PATJ: variants seen among roughly 807,000 people sequenced by gnomAD.
PATJ encodes inaD-like protein.
A neutral mutation model predicts 224.9 loss-of-function variants in PATJ; 190 were observed. That is an observed-to-expected ratio of 0.84 (90% CI 0.75 to 0.95). PATJ has a LOEUF of 0.95. Among genes scored for constraint, PATJ ranks in the 40% least tolerant of loss-of-function variants. The probability of loss-of-function intolerance (pLI) is 0.00; values close to 1 mark genes in which losing one functional copy is unlikely to be tolerated. For synonymous variants in PATJ, 769 were observed against 820.3 expected (o/e 0.94, Z 1.07); for missense variants, 2,121 against 2,270.3 (o/e 0.93, Z 1.34).
At chr1:62,092,470 A>AT (rs776199993) in intron 33 of PATJ, among the ~76,000 whole-genome samples, 12,365 of 143,930 alleles carry the variant, frequency 0.086, 922 homozygotes, top group African/African-American at 0.21. Context: ...CAGAGTTGGA[A>AT]TTTTTTTTTT....
intron 14 of PATJ, among the ~76,000 whole-genome samples, chr1:61,813,974 A>G (rs1371467396): frequency 6.6e-6 from 1 of 152,102 alleles, no homozygotes; most frequent in African/African-American, 2.4e-5. Flanking sequence ...TGCCTCTAGC[A>G]CTTTTAGACT....
At chr1:61,916,254 T>G (rs1673444263) in intron 26 of PATJ, among the ~76,000 whole-genome samples, 1 of 152,172 alleles carries the variant, frequency 6.6e-6, no homozygotes, top group Admixed American at 6.5e-5. Context: ...ATAAACTTAT[T>G]AAACATTTCA....
In PATJ at chr1:62,104,815, G is replaced by A. The variant is rs142690646; in HGVS notation, c.4378-3622G>A. 7.2e-3 allele frequency among the ~76,000 whole-genome samples: 1,095 copies of A among 152,164 alleles called. 13 individuals are homozygous for A. Among genetic ancestry groups the A allele is most frequent in the African/African-American group, 0.025 (1,040 of 41,502 alleles). On this transcript the variant is annotated intron_variant, in intron 33 of 43. Coordinates refer to ENST00000642238, the MANE Select transcript of PATJ (RefSeq NM_001350145.3). The stretch of plus-strand genomic sequence containing the variant: ...GCCTTCCGAGTAGCTGGGATTACAG[G>A]CACGTGCCACCATGCCTGGCTAATT...
intron 17 of PATJ, among the ~76,000 whole-genome samples, chr1:61,851,396 G>A (rs1195402277): frequency 6.6e-6 from 1 of 152,140 alleles, no homozygotes; most frequent in African/African-American, 2.4e-5. Flanking sequence ...TAGACAAGTG[G>A]CAGTGGGTCA....
chr1:62,020,792 C>T (rs756880668), intron 29 of PATJ, among the ~76,000 whole-genome samples: 16 of 152,056 alleles, frequency 1.1e-4, no homozygotes, highest in Admixed American at 2.0e-4. Flanking sequence ...ACAAAATACC[C>T]GAGTGTCTTA....
chr1:62,015,548 T>C (rs905306349), intron 28 of PATJ, among the ~76,000 whole-genome samples: 6 of 152,010 alleles, frequency 3.9e-5, no homozygotes, highest in African/African-American at 1.2e-4. Context: ...TGTGTGTGTG[T>C]GCGTGATGGA....
rs182175340 is a variant in PATJ, at chr1:62,120,171, A to T, written c.4891-1010A>T. On this transcript the variant is annotated intron_variant, in intron 37 of 43. Transcript: ENST00000642238. ...CAACTTACTTTGAAATGAATTTTTT[A>T]AAAAAAGATGAGTGATGAATAGATA... 1.0e-2 allele frequency among the ~76,000 whole-genome samples: 1,518 copies of T among 152,322 alleles called. 23 individuals carry two copies. The highest frequency in any genetic ancestry group is 0.034 in the African/African-American group (1,415 of 41,570).
chr1:61,937,661 T>TC (rs1677096918), intron 27 of PATJ, among the ~76,000 whole-genome samples: 2 of 150,528 alleles, frequency 1.3e-5, no homozygotes, highest in South Asian at 2.1e-4. Context: ...TTTTTTTTTT[T>TC]TTTTTTGAGA....
chr1:61,918,790 CCT>C (rs1196744337), intron 26 of PATJ, among the ~76,000 whole-genome samples: 3 of 151,874 alleles, frequency 2.0e-5, no homozygotes, highest in Non-Finnish European at 2.9e-5. Context: ...CTGGGAAGAC[CCT>C]GTCTCTACAA....
chr1:61,766,557 G>T, intron 4 of PATJ, 84 bp downstream of exon 4: 1 of 913,550 alleles, frequency 1.1e-6, no homozygotes, highest in Non-Finnish European at 1.6e-6. Context: ...CATTCTTTTT[G>T]CTGTAAAATG....
At chr1:61,998,980 A>G (rs1197011073) in intron 28 of PATJ, among the ~76,000 whole-genome samples, 3 of 152,124 alleles carry the variant, frequency 2.0e-5, no homozygotes, top group African/African-American at 4.8e-5. Context: ...TGCTCACACA[A>G]AAGCTTTATG....
At chr1:62,024,309 G>C (rs1647346196) in intron 29 of PATJ, among the ~76,000 whole-genome samples, 1 of 152,128 alleles carries the variant, frequency 6.6e-6, no homozygotes, top group Non-Finnish European at 1.5e-5. Context: ...GTAGAATTCA[G>C]TTGTGAATCC....
At chr1:61,821,814 G>A (rs1489156886) in intron 14 of PATJ, among the ~76,000 whole-genome samples, 1 of 152,150 alleles carries the variant, frequency 6.6e-6, no homozygotes, top group African/African-American at 2.4e-5. Flanking sequence ...GAGATTATAA[G>A]GCCACAATGA....
chr1:62,111,399 C>T (rs900584622), intron 34 of PATJ, among the ~76,000 whole-genome samples: 1 of 152,200 alleles, frequency 6.6e-6, no homozygotes, highest in African/African-American at 2.4e-5. Flanking sequence ...AGAGGAAAAA[C>T]AGCCTTCACT....
chr1:61,822,973 G>C lies in PATJ; in HGVS notation c.1712G>C (p.Gly571Ala), dbSNP rs774461403. 1 of 1,614,006 alleles carries C rather than the reference G, an allele frequency of 6.2e-7. No homozygotes were observed. Among genetic ancestry groups the C allele is most frequent in the African/African-American group, 1.3e-5 (1 of 74,896 alleles). ...KLLPIHTLRL[G>A]VEVDSFDGHH... ...CTGCCTATTCACACTCTGAGGCTTGGTGTGGAAGTGGATTCCTTTGATGGG... is the reference window on the plus strand; with the variant it reads ...CTGCCTATTCACACTCTGAGGCTTGCTGTGGAAGTGGATTCCTTTGATGGG... The change falls in exon 15 of 44, where the codon GGT becomes GCT. Residue 571 changes from glycine (G) to alanine (A), a missense_variant. Gly to Ala is a moderately conservative substitution (Grantham distance 60). Transcript: ENST00000642238.
intron 42 of PATJ, among the ~76,000 whole-genome samples, chr1:62,152,720 T>A (rs750770355): frequency 2.6e-5 from 4 of 152,084 alleles, no homozygotes; most frequent in Non-Finnish European, 4.4e-5. Context: ...TTATCTGTTA[T>A]GGACAAGAGT....
At chr1:61,852,832 A>C (rs572431342) in intron 17 of PATJ, among the ~76,000 whole-genome samples, 4 of 152,272 alleles carry the variant, frequency 2.6e-5, no homozygotes, top group Non-Finnish European at 4.4e-5. Context: ...CTGTTTTTCC[A>C]TAGGGTGGCT....
intron 31 of PATJ, chr1:62,072,985 C>T (rs1215367739): frequency 2.1e-6 from 2 of 958,672 alleles, no homozygotes; most frequent in African/African-American, 3.5e-5. Context: ...TTGAGCCCTC[C>T]AATGCTGCTA....
intron 8 of PATJ, among the ~76,000 whole-genome samples, 184 bp from the exon 9 acceptor site, chr1:61,791,164 C>A (rs1649776505): frequency 6.6e-6 from 1 of 152,144 alleles, no homozygotes; most frequent in Non-Finnish European, 1.5e-5. Flanking sequence ...GGATAGTCTC[C>A]ATTTTGCCAT....
Sources: allele counts gnomAD v4.1 joint callset (sites outside exome capture counted in the v4.1 genomes callset), GRCh38; gene constraint gnomAD v4.1.1; transcripts MANE v1.5; gene names NCBI Gene and HGNC (gene_info 2026-07-23, HGNC 2026-07-21).